Variants in PTK2B observed in about 807,000 individuals in gnomAD.
PTK2B encodes the protein protein tyrosine kinase 2 beta.
A neutral mutation model predicts 142.9 loss-of-function variants in PTK2B; 71 were observed. That is an observed-to-expected ratio of 0.50 (90% CI 0.41 to 0.61). The LOEUF (loss-of-function observed/expected upper bound fraction) is 0.61, where lower values mean the gene tolerates loss of function less well. Among genes scored for constraint, PTK2B ranks in the 20% least tolerant of loss-of-function variants. The probability of loss-of-function intolerance (pLI) is 0.00; values close to 1 mark genes in which losing one functional copy is unlikely to be tolerated. For synonymous variants in PTK2B, 519 were observed against 503.4 expected, an observed-to-expected ratio of 1.03 and a Z score of -0.42; for missense variants, 1,105 against 1,320.4, an observed-to-expected ratio of 0.84 and a Z score of 2.53.
chr8:27,368,026 T>C (rs2130873466), intron 1 of PTK2B, among the ~76,000 whole-genome samples: 1 of 152,346 alleles, frequency 6.6e-6, no homozygotes, highest in East Asian at 1.9e-4. Context: ...TAGGGTGCTG[T>C]GGAGTCAGGC....
chr8:27,397,513 G>A, intron 1 of PTK2B, 35 bp from the exon 2 acceptor site: 3 of 1,530,832 alleles, frequency 2.0e-6, no homozygotes, highest in Non-Finnish European at 2.7e-6. Flanking sequence ...CCTGTGTGGG[G>A]CTCTTTCAGG....
chr8:27,400,129 G>A (rs918886596), intron 2 of PTK2B, among the ~76,000 whole-genome samples: 1 of 152,176 alleles, frequency 6.6e-6, no homozygotes, highest in Non-Finnish European at 1.5e-5. Context: ...GATCAGATTT[G>A]TGTTCTAAAA....
intron 1 of PTK2B, among the ~76,000 whole-genome samples, chr8:27,372,034 A>G (rs911840325): frequency 6.6e-6 from 1 of 152,222 alleles, no homozygotes; most frequent in Non-Finnish European, 1.5e-5. Flanking sequence ...TGCATAAGAA[A>G]GCATATATGC....
intron 2 of PTK2B, among the ~76,000 whole-genome samples, chr8:27,406,966 G>A (rs1238292551): frequency 6.6e-6 from 1 of 152,166 alleles, no homozygotes; most frequent in Non-Finnish European, 1.5e-5. Context: ...AAAAATCTGT[G>A]AAGGCCACCT....
chr8:27,441,872 T>C (rs1382104661), intron 21 of PTK2B, among the ~76,000 whole-genome samples: 1 of 151,880 alleles, frequency 6.6e-6, no homozygotes, highest in Non-Finnish European at 1.5e-5. Context: ...CAGGTGTCTC[T>C]CCTGGGCTGA....
Position 27,370,839 on chromosome 8 carries a change from C to G in PTK2B, c.-37-26709C>G, listed in dbSNP as rs74843616. Among the ~76,000 whole-genome samples, 811 of 152,302 alleles carry G rather than the reference C, an allele frequency of 5.3e-3. 9 individuals are homozygous for G. The highest frequency in any genetic ancestry group is 0.038 in the East Asian group (195 of 5,196). ...ATGATCTGAGACTTCAGTGGGTTTC[C>G]TCTCTTGGTTTTCTCTTATTTTTAA... On this transcript the variant is annotated intron_variant, in intron 1 of 30. Transcript: ENST00000346049.
At chr8:27,434,459 G>T in intron 12 of PTK2B, 54 bp from the exon 13 acceptor site, 2 of 1,564,320 alleles carry the variant, frequency 1.3e-6, no homozygotes, top group East Asian at 2.3e-5. Context: ...GCTGCCCAGG[G>T]GAACATTACC....
chr8:27,378,342 A>C (rs943573198), intron 1 of PTK2B, among the ~76,000 whole-genome samples: 2 of 152,226 alleles, frequency 1.3e-5, no homozygotes, highest in African/African-American at 4.8e-5. Flanking sequence ...GGTTCTGCAA[A>C]TATGGAAGTA....
chr8:27,319,314 C>G (rs1803157103), intron 3 of PTK2B, among the ~76,000 whole-genome samples: 1 of 118,698 alleles, frequency 8.4e-6, no homozygotes, highest in Non-Finnish European at 1.7e-5. Context: ...TATTTTAAAG[C>G]AACCTTTTTT....
intron 11 of PTK2B, among the ~76,000 whole-genome samples, 183 bp downstream of exon 11, chr8:27,433,735 C>T (rs1373921900): frequency 6.6e-6 from 1 of 152,184 alleles, no homozygotes; most frequent in Non-Finnish European, 1.5e-5. Flanking sequence ...GTCCACCTAC[C>T]CACAGCCCTG....
chr8:27,434,850 A>G (rs907372091), intron 13 of PTK2B, among the ~76,000 whole-genome samples: 1 of 152,084 alleles, frequency 6.6e-6, no homozygotes, highest in African/African-American at 2.4e-5. Flanking sequence ...AAATACAAAA[A>G]TTGGATGGGC....
intron 2 of PTK2B, among the ~76,000 whole-genome samples, chr8:27,399,876 A>G (rs1224114079): frequency 6.6e-6 from 1 of 152,188 alleles, no homozygotes; most frequent in African/African-American, 2.4e-5. Context: ...CCTAATGATT[A>G]ACTGATCTGG....
Position 27,343,442 on chromosome 8 carries a change from G to T in PTK2B, c.-38+17761G>T, listed in dbSNP as rs569288645. 1.8e-4 allele frequency among the ~76,000 whole-genome samples: 27 copies of T among 152,326 alleles called. No homozygotes were observed. The South Asian group carries it at 3.7e-3, about 21-fold the overall frequency. On this transcript the variant is annotated intron_variant, in intron 1 of 30. Coordinates refer to ENST00000346049, the MANE Select transcript of PTK2B (RefSeq NM_173176.3). Reference sequence around the variant, plus strand: ...TGAAGCCACTGGTGTTTTCCAGGCAGATGGGGTCCCCTAACCTGGGGACCC... The same window carrying T: ...TGAAGCCACTGGTGTTTTCCAGGCATATGGGGTCCCCTAACCTGGGGACCC...
intron 2 of PTK2B, among the ~76,000 whole-genome samples, chr8:27,409,586 C>T (rs751931971): frequency 5.9e-5 from 9 of 152,264 alleles, no homozygotes; most frequent in Non-Finnish European, 7.4e-5. Flanking sequence ...GGGAGATTTA[C>T]GCCTTGTGTT....
intron 28 of PTK2B, 45 bp from the exon 29 acceptor site, chr8:27,454,109 C>G: frequency 6.2e-7 from 1 of 1,611,850 alleles, no homozygotes; most frequent in South Asian, 1.1e-5. Flanking sequence ...CATTCCGTGC[C>G]CCTGGCTCTC....
chr8:27,323,817 C>T (rs1467798862), upstream of PTK2B, among the ~76,000 whole-genome samples: 1 of 152,090 alleles, frequency 6.6e-6, no homozygotes, highest in Non-Finnish European at 1.5e-5. Flanking sequence ...TTGGGAGATT[C>T]TTTTTTTAAA....
At chr8:27,362,434 C>T (rs1296662268) in intron 1 of PTK2B, among the ~76,000 whole-genome samples, 2 of 152,178 alleles carry the variant, frequency 1.3e-5, no homozygotes, top group Non-Finnish European at 2.9e-5. Flanking sequence ...TTTCTAAAGT[C>T]GTTGACCTAG....
chr8:27,444,188 T>C lies in PTK2B; in HGVS notation c.2149-18T>C. The C allele has an allele frequency of 1.2e-6, 2 of 1,606,114 alleles. No individual in the cohort carries two copies. The highest frequency in any genetic ancestry group is 1.7e-6 in the Non-Finnish European group (2 of 1,172,840). On this transcript the variant is annotated intron_variant, in intron 22 of 30. Coordinates refer to ENST00000346049, the MANE Select transcript of PTK2B (RefSeq NM_173176.3). ...AAGGAGAGGGACAGAGACTGACCCATCTGTGTTCTCTCTCCAGCCCAGCCG... is the reference window on the plus strand; with the variant it reads ...AAGGAGAGGGACAGAGACTGACCCACCTGTGTTCTCTCTCCAGCCCAGCCG...
intron 2 of PTK2B, among the ~76,000 whole-genome samples, 154 bp downstream of exon 2, chr8:27,397,942 A>G (rs1221746663): frequency 6.6e-6 from 1 of 152,210 alleles, no homozygotes. Flanking sequence ...AGCCTGCATC[A>G]CCAGGCCTGC....
Sources: allele counts gnomAD v4.1 joint callset (sites outside exome capture counted in the v4.1 genomes callset), GRCh38; gene constraint gnomAD v4.1.1; transcripts MANE v1.5; gene names NCBI Gene and HGNC (gene_info 2026-07-23, HGNC 2026-07-21).